Variants in ADM2 observed in about 807,000 individuals in gnomAD.
The protein encoded by ADM2 is protein ADM2.
ADM2 carries 5 observed loss-of-function variants against 7.1 expected under a neutral mutation model. The observed-to-expected ratio is 0.71, with a 90% CI of 0.37 to 1.49. The LOEUF (loss-of-function observed/expected upper bound fraction) is 1.49, where lower values mean the gene tolerates loss of function less well. Among genes scored for constraint, ADM2 ranks in the 40% most tolerant of loss-of-function variants. The pLI, the probability that ADM2 is intolerant of heterozygous loss-of-function variation, is 0.03. For missense variants in ADM2, 236 were observed against 211.2 expected (o/e 1.12, Z -0.73); for synonymous variants, 123 against 92.8 (o/e 1.33, Z -1.87).
chr22:50,483,137 G>C lies in ADM2; in HGVS notation c.*234G>C, dbSNP rs1049421948. 3 of 743,032 alleles carry C rather than the reference G, an allele frequency of 4.0e-6. No individual in the cohort carries two copies. The highest frequency in any genetic ancestry group is 4.7e-6 in the Non-Finnish European group (2 of 425,636). The allele number at this position is 743,032 out of a possible 1,614,324, so 46.0% of individuals were successfully genotyped here. A position where few individuals can be genotyped will look rare whatever the true frequency, so the allele number is the denominator to read the frequency against. On this transcript the variant is annotated 3_prime_UTR_variant, in exon 3 of 3. Coordinates refer to ENST00000395737, the MANE Select transcript of ADM2 (RefSeq NM_001253845.2). ...GTGACCCCCTGGGGGACAGCTGCCA[G>C]ACACAGCTGGCGGCAGCACCAGATG...
At position 50,482,771 on chromosome 22, in the gene ADM2, C is replaced by G. The variant is rs777793621; in HGVS notation, c.315C>G (p.Leu105=). 1.2e-6 allele frequency: 2 copies of G among 1,607,898 alleles called. No homozygotes were observed. Among genetic ancestry groups the G allele is most frequent in the Non-Finnish European group, 1.7e-6 (2 of 1,178,654 alleles). ...HSGPRRTQAQ[L]LRVGCVLGTC... is the part of the protein sequence containing the mutation. ...GCCCCCGCAGGACCCAAGCCCAGCT[C>G]CTGCGAGTGGGCTGTGTGCTGGGCA... The change falls in exon 3 of 3, where the codon CTC becomes CTG. Residue 105 remains leucine (L), a synonymous_variant. Transcript: ENST00000395737.
Position 50,481,896 on chromosome 22 carries a change from C to G in ADM2, c.49C>G (p.Leu17Val). The change falls in exon 2 of 3, where the codon CTG becomes GTG. Residue 17 changes from leucine (L) to valine (V), a missense_variant. Coordinates refer to ENST00000395737, the MANE Select transcript of ADM2 (RefSeq NM_001253845.2). Reference sequence around the variant, plus strand: ...CCTGGGTTGCATCAGCCTCCTCTGCCTGCAGCTCCCTGGCTCGCTGTCCCG... The same window carrying G: ...CCTGGGTTGCATCAGCCTCCTCTGCGTGCAGCTCCCTGGCTCGCTGTCCCG... The part of the protein sequence containing the change: ...AALGCISLLC[L>V]QLPGSLSRSL... 1 of 1,532,508 alleles carries G rather than the reference C, an allele frequency of 6.5e-7. No individual in the cohort carries two copies. 94.9% of individuals were successfully genotyped at this position (1,532,508 alleles called of 1,614,324 possible).
rs1002743030 is a variant in ADM2 at position 50,485,869 on chromosome 22, C to G, written c.*2966C>G. On this transcript the variant is annotated 3_prime_UTR_variant, in exon 3 of 3. Coordinates refer to ENST00000395737, the MANE Select transcript of ADM2 (RefSeq NM_001253845.2). ...GCCCCAGCACCCCACTGCCCTCTCT[C>G]CTGCCCCAGCCGACTGCTGTTCCCA... 1 of 152,758 alleles carries G rather than the reference C, an allele frequency of 6.5e-6. No homozygotes were observed. Among genetic ancestry groups the G allele is most frequent in the African/African-American group, 2.4e-5 (1 of 41,464 alleles). 9.5% of individuals were successfully genotyped at this position (152,758 alleles called of 1,614,324 possible).
In ADM2 at chr22:50,481,586, C is replaced by T; in HGVS notation, c.-189C>T. 1 of 232,074 alleles carries T rather than the reference C, an allele frequency of 4.3e-6. No individual in the cohort carries two copies. 14.4% of individuals were successfully genotyped at this position (232,074 alleles called of 1,614,324 possible). ...GCCCTGGAGGTGCCATCCCGGGCCG[C>T]GACTCCGCTCCAGGCAGGACCCCCA... On this transcript the variant is annotated 5_prime_UTR_variant, in exon 1 of 3. Transcript: ENST00000395737.
rs2068245771 is a variant in ADM2, at chr22:50,484,874, C to CA, written c.*1975dup. The CA allele has an allele frequency of 3.0e-5, 1 of 33,078 alleles. No individual in the cohort carries two copies. Among genetic ancestry groups the CA allele is most frequent in the Non-Finnish European group, 5.8e-5 (1 of 17,368 alleles). The allele number at this position is 33,078 out of a possible 1,614,324, so 2.0% of individuals were successfully genotyped here. A position where few individuals can be genotyped will look rare whatever the true frequency, so the allele number is the denominator to read the frequency against. On this transcript the variant is annotated 3_prime_UTR_variant, in exon 3 of 3. Coordinates refer to ENST00000395737, the MANE Select transcript of ADM2 (RefSeq NM_001253845.2). The stretch of plus-strand genomic sequence containing the variant: ...TGCACCCACTTCCAGCTGCTCTGGC[C>CA]AAAATCTCCGCTCGGCCAGGCCCCG...
intron 2 of ADM2, among the ~76,000 whole-genome samples, chr22:50,482,350 G>C (rs1603436875): frequency 6.6e-6 from 1 of 152,274 alleles, no homozygotes; most frequent in Non-Finnish European, 1.5e-5. Flanking sequence ...AGGAGGTGCC[G>C]GTTCCCGGGA....
In ADM2 at chr22:50,486,434, T is replaced by C; in HGVS notation, c.*3531T>C. 1 of 177,394 alleles carries C rather than the reference T, an allele frequency of 5.6e-6. No individual in the cohort carries two copies. Among genetic ancestry groups the C allele is most frequent in the Non-Finnish European group, 1.2e-5 (1 of 83,468 alleles). The allele number at this position is 177,394 out of a possible 1,614,324, so 11.0% of individuals were successfully genotyped here. On this transcript the variant is annotated 3_prime_UTR_variant, in exon 3 of 3. Transcript: ENST00000395737. ...CTTGAATAAAGCTTTTCTCACCATT[T>C]TAACAAGTCCTCAGAATCATCTTTT...
chr22:50,482,081 G>T, intron 2 of ADM2, 124 bp downstream of exon 2: 1 of 892,278 alleles, frequency 1.1e-6, no homozygotes, highest in Middle Eastern at 2.5e-4. Context: ...CCCAAACAAA[G>T]GCCCCTACCC....
chr22:50,482,031 G>GC, intron 2 of ADM2, 74 bp downstream of exon 2: 1 of 1,356,534 alleles, frequency 7.4e-7, no homozygotes, highest in African/African-American at 1.5e-5. Context: ...CCGCGGGGCC[G>GC]CCCTCCCTCC....
chr22:50,483,268 G>A lies in ADM2; in HGVS notation c.*365G>A. 1 of 499,858 alleles carries A rather than the reference G, an allele frequency of 2.0e-6. No individual in the cohort carries two copies. The highest frequency in any genetic ancestry group is 3.9e-6 in the Non-Finnish European group (1 of 255,726). 31.0% of individuals were successfully genotyped at this position (499,858 alleles called of 1,614,324 possible). A position where few individuals can be genotyped will look rare whatever the true frequency, so the allele number is the denominator to read the frequency against. The stretch of plus-strand genomic sequence containing the variant: ...CGAGCAGGGGAGAGAGGCTGAACTG[G>A]CCAGAAGTGGCCCCTCCGCTGCTGG... On this transcript the variant is annotated 3_prime_UTR_variant, in exon 3 of 3. Transcript: ENST00000395737.
At position 50,483,096 on chromosome 22, in the gene ADM2, T is replaced by A; in HGVS notation, c.*193T>A. The A allele has an allele frequency of 1.0e-6, 1 of 980,000 alleles. No homozygotes were observed. The highest frequency in any genetic ancestry group is 1.6e-6 in the Non-Finnish European group (1 of 640,014). The allele number at this position is 980,000 out of a possible 1,614,324, so 60.7% of individuals were successfully genotyped here. ...CGCAGTGCTGGTACGTCAAGGAGCC[T>A]AAACACCCTGAAATTGTGACCCCCT... On this transcript the variant is annotated 3_prime_UTR_variant, in exon 3 of 3. Coordinates refer to ENST00000395737, the MANE Select transcript of ADM2 (RefSeq NM_001253845.2).
intron 2 of ADM2, among the ~76,000 whole-genome samples, chr22:50,482,363 C>T (rs999355149): frequency 6.6e-6 from 1 of 152,126 alleles, no homozygotes; most frequent in African/African-American, 2.4e-5. Flanking sequence ...TCCCGGGACA[C>T]GTGACCCGGG....
Position 50,481,758 on chromosome 22 carries a change from C to T in ADM2, c.-17C>T. The stretch of plus-strand genomic sequence containing the variant: ...CCGGCGCCCCGACCGCGGAGGACTC[C>T]CCGAGGTGCCGGCGGAGGGGGTGGC... On this transcript the variant is annotated 5_prime_UTR_variant, in exon 1 of 3. Transcript: ENST00000395737. 2 of 894,622 alleles carry T rather than the reference C, an allele frequency of 2.2e-6. No homozygotes were observed. Among genetic ancestry groups the T allele is most frequent in the Non-Finnish European group, 1.6e-6 (1 of 639,404 alleles). The allele number at this position is 894,622 out of a possible 1,614,324, so 55.4% of individuals were successfully genotyped here.
At chr22:50,482,024 C>T (rs1419925588) in intron 2 of ADM2, 67 bp downstream of exon 2, 9 of 1,392,426 alleles carry the variant, frequency 6.5e-6, no homozygotes, top group South Asian at 6.4e-5. Context: ...CCGGGGGCCG[C>T]GGGGCCGCCC....
Position 50,482,675 on chromosome 22 carries a change from C to T in ADM2, c.219C>T (p.Gly73=), listed in dbSNP as rs2148631224. ...CCCTCCAGGCACAGAGGGGTGCCGG[C>T]CTGGCCCCTGTTATGGGTCAGCCTC... ...HRALQAQRGA[G]LAPVMGQPLR... is the part of the protein sequence containing the mutation. Residue 73 remains glycine (G), a synonymous_variant, in exon 3 of 3, where the codon GGC becomes GGT. Coordinates refer to ENST00000395737, the MANE Select transcript of ADM2 (RefSeq NM_001253845.2). 3 of 1,593,288 alleles carry T rather than the reference C, an allele frequency of 1.9e-6. No homozygotes were observed. Among genetic ancestry groups the T allele is most frequent in the South Asian group, 1.1e-5 (1 of 89,034 alleles).
chr22:50,482,936 G>A lies in ADM2; in HGVS notation c.*33G>A. On this transcript the variant is annotated 3_prime_UTR_variant, in exon 3 of 3. Coordinates refer to ENST00000395737, the MANE Select transcript of ADM2 (RefSeq NM_001253845.2). ...CCGGGCCACACCCCTGCCCATCCCAGCCAGGGTGCTGTGCCCCCGTCCAGA... is the reference window on the plus strand; with the variant it reads ...CCGGGCCACACCCCTGCCCATCCCAACCAGGGTGCTGTGCCCCCGTCCAGA... 1.3e-6 allele frequency: 2 copies of A among 1,556,408 alleles called. No homozygotes were observed. The highest frequency in any genetic ancestry group is 2.3e-5 in the South Asian group (2 of 85,684).
In ADM2 at chr22:50,485,833, C is replaced by G. The variant is rs1324610778; in HGVS notation, c.*2930C>G. 2.6e-5 allele frequency: 4 copies of G among 152,550 alleles called. 1 individual carries two copies. Among genetic ancestry groups the G allele is most frequent in the African/African-American group, 9.7e-5 (4 of 41,442 alleles). The allele number at this position is 152,550 out of a possible 1,614,324, so 9.4% of individuals were successfully genotyped here. A position where few individuals can be genotyped will look rare whatever the true frequency, so the allele number is the denominator to read the frequency against. On this transcript the variant is annotated 3_prime_UTR_variant, in exon 3 of 3. Transcript: ENST00000395737. ...AAGCCCAGAACTCTGATCTTCACAGCCCTAGGTATGGCCCCAGCACCCCAC... is the reference window on the plus strand; with the variant it reads ...AAGCCCAGAACTCTGATCTTCACAGGCCTAGGTATGGCCCCAGCACCCCAC...
chr22:50,482,908 G>T lies in ADM2; in HGVS notation c.*5G>T. On this transcript the variant is annotated 3_prime_UTR_variant, in exon 3 of 3. Coordinates refer to ENST00000395737, the MANE Select transcript of ADM2 (RefSeq NM_001253845.2). ...AGCCCCCACAGCTATGGCTGAGGTG[G>T]GGCCGGGCCACACCCCTGCCCATCC... 6.3e-7 allele frequency: 1 copy of T among 1,578,256 alleles called. No individual in the cohort carries two copies. The highest frequency in any genetic ancestry group is 2.3e-5 in the East Asian group (1 of 43,142).
rs1203116880 is a variant in ADM2 at position 50,482,709 on chromosome 22, G to A, written c.253G>A (p.Gly85Ser). 1 of 1,605,906 alleles carries A rather than the reference G, an allele frequency of 6.2e-7. No homozygotes were observed. Among genetic ancestry groups the A allele is most frequent in the South Asian group, 1.1e-5 (1 of 90,530 alleles). The change falls in exon 3 of 3, where the codon GGT (glycine) becomes AGT (serine). Residue 85 changes from glycine to serine, a missense_variant. Gly to Ser is a moderately conservative substitution (Grantham distance 56). Coordinates refer to ENST00000395737, the MANE Select transcript of ADM2 (RefSeq NM_001253845.2). The part of the protein sequence containing the change: ...APVMGQPLRD[G>S]GRQHSGPRRH... ...TGTTATGGGTCAGCCTCTCCGGGAT[G>A]GTGGCCGCCAACACTCGGGCCCCCG...
Sources: gnomAD v4.1 joint callset for allele counts (sites outside exome capture counted in the v4.1 genomes callset) on GRCh38, gnomAD v4.1.1 for gene constraint, MANE v1.5 for transcripts, NCBI Gene and HGNC (gene_info 2026-07-23, HGNC 2026-07-21) for gene names.